UVRAG: variants seen among roughly 807,000 people sequenced by gnomAD.
The protein encoded by UVRAG is UV radiation resistance associated.
UVRAG carries 19 observed loss-of-function variants against 78.0 expected under a neutral mutation model. That is an observed-to-expected ratio of 0.24 (90% CI 0.17 to 0.36). The LOEUF (loss-of-function observed/expected upper bound fraction) is 0.36. Among genes scored for constraint, UVRAG ranks in the 10% least tolerant of loss-of-function variants. The pLI is 1.00. For missense variants in UVRAG, 740 were observed against 853.8 expected (o/e 0.87, Z 1.66); for synonymous variants, 323 against 324.6 (o/e 1.00, Z 0.05).
At chr11:75,827,103 G>A (rs937615335) in intron 1 of UVRAG, among the ~76,000 whole-genome samples, 3 of 152,010 alleles carry the variant, frequency 2.0e-5, no homozygotes, top group African/African-American at 7.3e-5. Flanking sequence ...GCTTTTGTCA[G>A]TAGACTCCTG....
At chr11:76,005,268 G>A (rs1949910556) in intron 9 of UVRAG, among the ~76,000 whole-genome samples, 1 of 152,238 alleles carries the variant, frequency 6.6e-6, no homozygotes, top group East Asian at 1.9e-4. Context: ...GCGTGAGCCC[G>A]GGCGGTGGAG....
intron 14 of UVRAG, among the ~76,000 whole-genome samples, chr11:76,136,234 C>T (rs1372792565): frequency 6.6e-6 from 1 of 151,780 alleles, no homozygotes; most frequent in Non-Finnish European, 1.5e-5. Context: ...TTCTGAAAAC[C>T]TTCCATTAAA....
At chr11:75,934,339 G>C (rs1438453455) in intron 6 of UVRAG, among the ~76,000 whole-genome samples, 1 of 152,142 alleles carries the variant, frequency 6.6e-6, no homozygotes, top group Non-Finnish European at 1.5e-5. Context: ...GTTACCAGAG[G>C]CTGGGAAGGG....
rs377457433 is a variant in UVRAG, at chr11:76,053,308, A to AACAC, written c.1227-12370_1227-12367dup. The stretch of plus-strand genomic sequence containing the variant: ...GCAACAGAGTGAGACTCTGTCTCAA[A>AACAC]ACACACACACACACACACACACACA... On this transcript the variant is annotated intron_variant, in intron 12 of 14. Transcript: ENST00000356136. Among the ~76,000 whole-genome samples the AACAC allele has an allele frequency of 9.9e-3, 1,393 of 140,756 alleles. 17 individuals are homozygous for AACAC. The highest frequency in any genetic ancestry group is 0.042 in the East Asian group (202 of 4,850). 92.3% of individuals were successfully genotyped at this position (140,756 alleles called of 152,430 possible). A position where few individuals can be genotyped will look rare whatever the true frequency, so the allele number is the denominator to read the frequency against.
At chr11:76,080,277 T>G (rs1951472499) in intron 13 of UVRAG, among the ~76,000 whole-genome samples, 1 of 152,086 alleles carries the variant, frequency 6.6e-6, no homozygotes, top group Admixed American at 6.6e-5. Context: ...AGAAATACCT[T>G]TGTTATTAGT....
At chr11:76,140,577 C>A in intron 14 of UVRAG, 134 bp from the exon 15 acceptor site, 1 of 918,800 alleles carries the variant, frequency 1.1e-6, no homozygotes, top group Non-Finnish European at 1.6e-6. Context: ...ACTGCAATAA[C>A]TATTGTCTAA....
chr11:76,037,539 C>CAAAA (rs61354759), intron 12 of UVRAG, among the ~76,000 whole-genome samples: 5 of 48,510 alleles, frequency 1.0e-4, no homozygotes, highest in Non-Finnish European at 1.6e-4. Context: ...TTTGTCTTTA[C>CAAAA]AAAAAAAAAA....
chr11:76,069,045 G>A (rs1951251398), intron 13 of UVRAG, among the ~76,000 whole-genome samples: 1 of 152,234 alleles, frequency 6.6e-6, no homozygotes, highest in Non-Finnish European at 1.5e-5. Context: ...CCATAACTTG[G>A]TTGAGGATTT....
rs147448761 is a variant in UVRAG at position 75,923,003 on chromosome 11, C to CATAT, written c.593+10981_593+10984dup. On this transcript the variant is annotated intron_variant, in intron 6 of 14. Transcript: ENST00000356136. ...AAAAATATATATACATATATTTTTT[C>CATAT]ATATATATATATATATATATGTTCG... is the stretch of plus-strand genomic sequence containing the variant. Among the ~76,000 whole-genome samples the CATAT allele has an allele frequency of 7.8e-3, 1,077 of 138,718 alleles. 10 individuals are homozygous for CATAT. Among genetic ancestry groups the CATAT allele is most frequent in the African/African-American group, 0.026 (973 of 37,738 alleles). The allele number at this position is 138,718 out of a possible 152,430, so 91.0% of individuals were successfully genotyped here. A position where few individuals can be genotyped will look rare whatever the true frequency, so the allele number is the denominator to read the frequency against.
chr11:75,949,808 T>C (rs1460038112), intron 6 of UVRAG, among the ~76,000 whole-genome samples: 1 of 150,164 alleles, frequency 6.7e-6, no homozygotes, highest in Non-Finnish European at 1.5e-5. Flanking sequence ...TACACACAGT[T>C]TGATGAATTT....
At chr11:76,014,513 T>A (rs2135363267) in intron 11 of UVRAG, among the ~76,000 whole-genome samples, 1 of 152,338 alleles carries the variant, frequency 6.6e-6, no homozygotes, top group Non-Finnish European at 1.5e-5. Flanking sequence ...GATCAAGTCC[T>A]TTTACTGACA....
chr11:75,926,021 T>A (rs1192407272), intron 6 of UVRAG, among the ~76,000 whole-genome samples: 1 of 152,108 alleles, frequency 6.6e-6, no homozygotes, highest in East Asian at 1.9e-4. Flanking sequence ...TATAGCACCC[T>A]TAGTCTTCCC....
intron 2 of UVRAG, among the ~76,000 whole-genome samples, chr11:75,858,153 AAT>A (rs1555075539): frequency 2.0e-5 from 3 of 151,822 alleles, no homozygotes; most frequent in Non-Finnish European, 4.4e-5. Flanking sequence ...GGTAAAAAAA[AAT>A]ATATATGTGT....
rs146371592 is a variant in UVRAG at position 76,133,958 on chromosome 11, C to CTTT, written c.1398-6742_1398-6740dup. Among the ~76,000 whole-genome samples the CTTT allele has an allele frequency of 8.8e-3, 1,172 of 132,920 alleles. 23 individuals carry two copies. The highest frequency in any genetic ancestry group is 0.032 in the African/African-American group (1,103 of 34,486). The allele number at this position is 132,920 out of a possible 152,430, so 87.2% of individuals were successfully genotyped here. A position where few individuals can be genotyped will look rare whatever the true frequency, so the allele number is the denominator to read the frequency against. ...ACTTTTTTTTTTCTTTTTTTCTTTT[C>CTTT]TTTTTTTTTTTTTGAGACGGAGTCT... On this transcript the variant is annotated intron_variant, in intron 14 of 14. Transcript: ENST00000356136.
At chr11:76,096,004 C>T (rs1951780138) in intron 13 of UVRAG, among the ~76,000 whole-genome samples, 1 of 151,896 alleles carries the variant, frequency 6.6e-6, no homozygotes, top group South Asian at 2.1e-4. Context: ...TATATGAAGG[C>T]AGTAGAGAAT....
intron 6 of UVRAG, among the ~76,000 whole-genome samples, chr11:75,921,635 T>A (rs147532963): frequency 1.3e-5 from 2 of 152,074 alleles, no homozygotes; most frequent in East Asian, 3.8e-4. Context: ...TTGCTAACTT[T>A]GAGATTTATA....
At chr11:75,998,572 G>A (rs1017760367) in intron 8 of UVRAG, among the ~76,000 whole-genome samples, 24 of 152,230 alleles carry the variant, frequency 1.6e-4, no homozygotes, top group African/African-American at 5.8e-4. Flanking sequence ...CAGAAAACTA[G>A]GATCTCAAGG....
At chr11:76,000,214 T>C (rs1244944480) in intron 8 of UVRAG, among the ~76,000 whole-genome samples, 2 of 152,218 alleles carry the variant, frequency 1.3e-5, no homozygotes, top group East Asian at 3.8e-4. Flanking sequence ...CTGAATATTC[T>C]AGTTACAAAA....
intron 5 of UVRAG, among the ~76,000 whole-genome samples, chr11:75,896,765 C>T (rs150223087): frequency 6.6e-6 from 1 of 152,260 alleles, no homozygotes; most frequent in East Asian, 1.9e-4. Flanking sequence ...ATTTGTTCCA[C>T]CCTGGGTTAC....
Sources: allele counts gnomAD v4.1 joint callset (sites outside exome capture counted in the v4.1 genomes callset), GRCh38; gene constraint gnomAD v4.1.1; transcripts MANE v1.5; gene names NCBI Gene and HGNC (gene_info 2026-07-23, HGNC 2026-07-21).